TNRC6A: variants seen among roughly 807,000 people sequenced by gnomAD.
TNRC6A encodes the protein trinucleotide repeat containing adaptor 6A.
A neutral mutation model predicts 221.2 loss-of-function variants in TNRC6A; 44 were observed. That is an observed-to-expected ratio of 0.20 (90% CI 0.16 to 0.26). The LOEUF is 0.26. Among genes scored for constraint, TNRC6A ranks in the 10% least tolerant of loss-of-function variants. The pLI, the probability that TNRC6A is intolerant of heterozygous loss-of-function variation, is 1.00. For missense variants in TNRC6A, 2,199 were observed against 2,404.4 expected (o/e 0.91, Z 1.79); for synonymous variants, 847 against 838.5 (o/e 1.01, Z -0.18).
chr16:24,658,640 G>A (rs2054966228), intron 2 of TNRC6A, among the ~76,000 whole-genome samples: 2 of 151,776 alleles, frequency 1.3e-5, no homozygotes, highest in Non-Finnish European at 2.9e-5. Flanking sequence ...TTACAGGTAT[G>A]AGCCACAGAG....
chr16:24,774,459 A>G (rs1188589886), intron 4 of TNRC6A, among the ~76,000 whole-genome samples: 3 of 152,228 alleles, frequency 2.0e-5, no homozygotes, highest in African/African-American at 7.2e-5. Flanking sequence ...ATGCCTTCAT[A>G]TAGATCATTC....
At chr16:24,681,916 CGTGTTG>C (rs2055540102) in intron 2 of TNRC6A, among the ~76,000 whole-genome samples, 1 of 152,138 alleles carries the variant, frequency 6.6e-6, no homozygotes, top group Non-Finnish European at 1.5e-5. Flanking sequence ...AATGTTGCAA[CGTGTTG>C]CCAAACTCCT....
intron 2 of TNRC6A, among the ~76,000 whole-genome samples, chr16:24,665,236 AT>A (rs201893886): frequency 1.3e-5 from 2 of 151,284 alleles, no homozygotes; most frequent in South Asian, 2.1e-4. Flanking sequence ...AAACTGGCTA[AT>A]TTTTTTTTAA....
intron 2 of TNRC6A, among the ~76,000 whole-genome samples, chr16:24,745,629 A>G (rs1005583796): frequency 2.0e-5 from 3 of 152,216 alleles, no homozygotes; most frequent in African/African-American, 7.2e-5. Context: ...CTCCTAAAGC[A>G]AAATAGAGAC....
In TNRC6A at chr16:24,823,530, G is replaced by A. The variant is rs1293149141; in HGVS notation, c.5612G>A (p.Gly1871Asp). Residue 1871 changes from glycine to aspartate, a missense_variant, in exon 25 of 25, where the codon GGC becomes GAC. By Grantham distance (94) the Gly-to-Asp change is moderately conservative. This residue lies in a region of TNRC6A where 20 missense variants were observed against 25.6 expected (regional missense o/e 0.78). Coordinates refer to ENST00000395799, the MANE Select transcript of TNRC6A (RefSeq NM_014494.4). This position sits in a 1 kb window ranked among gnomAD's most constrained non-coding sequence, Gnocchi z 4.3. ...AQSQSLTPSP[G>D]WQSLGSSQSR... ...AGCCAGTCTCTGACCCCTTCTCCCG[G>A]CTGGCAGTCTCTCGGGTCCAGCCAG... The A allele has an allele frequency of 6.2e-7, 1 of 1,614,028 alleles. No homozygotes were observed. Among genetic ancestry groups the A allele is most frequent in the East Asian group, 2.2e-5 (1 of 44,894 alleles).
chr16:24,626,673 G>A (rs184216645), intron 1 of TNRC6A, among the ~76,000 whole-genome samples: 6 of 137,516 alleles, frequency 4.4e-5, no homozygotes, highest in East Asian at 4.1e-4. Flanking sequence ...TTTTTGAGAC[G>A]GAGTCTCACT....
Position 24,790,073 on chromosome 16 carries a change from T to C in TNRC6A, c.1431T>C (p.Ser477=). 6.2e-7 allele frequency: 1 copy of C among 1,614,206 alleles called. No homozygotes were observed. Among genetic ancestry groups the C allele is most frequent in the Non-Finnish European group, 8.5e-7 (1 of 1,180,026 alleles). ...SGSVQNNELP[S]SNTGAWRVST... ...CAGTGCAGAATAATGAGCTGCCTAG[T>C]AGTAACACAGGGGCCTGGCGTGTGA... Residue 477 remains serine (S), a synonymous_variant, in exon 6 of 25, where the codon AGT becomes AGC. Coordinates refer to ENST00000395799, the MANE Select transcript of TNRC6A (RefSeq NM_014494.4).
chr16:24,730,208 T>G, intron 1 of TNRC6A, 45 bp from the exon 2 acceptor site: 1 of 1,522,838 alleles, frequency 6.6e-7, no homozygotes, highest in Non-Finnish European at 8.8e-7. Context: ...CTCGTTTTTG[T>G]GTGTGTGTTT....
At chr16:24,738,712 A>G (rs959173360) in intron 2 of TNRC6A, among the ~76,000 whole-genome samples, 2 of 152,118 alleles carry the variant, frequency 1.3e-5, no homozygotes, top group Admixed American at 6.6e-5. Context: ...GGGCTGTTCT[A>G]ACTTTGGGGC....
intron 1 of TNRC6A, among the ~76,000 whole-genome samples, chr16:24,619,816 A>C (rs1729056071): frequency 6.6e-6 from 1 of 152,086 alleles, no homozygotes; most frequent in African/African-American, 2.4e-5. Flanking sequence ...ATGTCAGAGA[A>C]GCTGGGCAGG....
chr16:24,744,030 T>C (rs2056949815), intron 2 of TNRC6A, among the ~76,000 whole-genome samples: 1 of 152,248 alleles, frequency 6.6e-6, no homozygotes, highest in South Asian at 2.1e-4. Flanking sequence ...TTGCCTGCAT[T>C]CTGGAAGTTT....
intron 2 of TNRC6A, 64 bp downstream of exon 2, chr16:24,730,364 C>T: frequency 6.4e-7 from 1 of 1,569,250 alleles, no homozygotes; most frequent in Non-Finnish European, 8.6e-7. Context: ...TCCGATTCGC[C>T]TTTTCTGGGT....
chr16:24,700,859 C>T (rs2055959222), intron 2 of TNRC6A, among the ~76,000 whole-genome samples: 1 of 152,332 alleles, frequency 6.6e-6, no homozygotes, highest in Non-Finnish European at 1.5e-5. Context: ...CACTTGTTCC[C>T]TGCCACCCCA....
At chr16:24,745,107 A>G (rs1296433663) in intron 2 of TNRC6A, among the ~76,000 whole-genome samples, 2 of 152,194 alleles carry the variant, frequency 1.3e-5, no homozygotes, top group Admixed American at 6.5e-5. Flanking sequence ...CTTCAATACG[A>G]TGACCCCTTT....
chr16:24,729,335 G>C (rs2056550791), upstream of TNRC6A, among the ~76,000 whole-genome samples: 1 of 149,306 alleles, frequency 6.7e-6, no homozygotes, highest in Non-Finnish European at 1.5e-5. Flanking sequence ...GTGTGTCAGT[G>C]GGGGAGGGGC....
chr16:24,654,442 C>T (rs988190048), intron 2 of TNRC6A, among the ~76,000 whole-genome samples: 16 of 152,118 alleles, frequency 1.1e-4, no homozygotes, highest in Non-Finnish European at 2.1e-4. Flanking sequence ...CGGTGACTCA[C>T]GCCTGTAATC....
chr16:24,813,247 A>G (rs1439153098), intron 18 of TNRC6A, among the ~76,000 whole-genome samples: 2 of 152,092 alleles, frequency 1.3e-5, no homozygotes, highest in East Asian at 3.9e-4. Flanking sequence ...TGCTAGAGAT[A>G]TATTGCATAC....
At position 24,699,776 on chromosome 16, in the gene TNRC6A, G is replaced by T. The variant is rs567076664; in HGVS notation, n.403-50950G>T. Among the ~76,000 whole-genome samples the T allele has an allele frequency of 8.4e-4, 128 of 151,706 alleles. 3 individuals are homozygous for T. The highest frequency in any genetic ancestry group is 3.4e-3 in the Middle Eastern group (1 of 290). On this transcript the variant is annotated intron_variant and non_coding_transcript_variant, in intron 2 of 2. Coordinates refer to the TNRC6A transcript ENST00000566108. ...ATAACAAATACAAAAGCCCAGAGAT[G>T]GACAAGAGAGCACTGAGCTGAAGGG... is the stretch of plus-strand genomic sequence containing the variant.
intron 2 of TNRC6A, among the ~76,000 whole-genome samples, chr16:24,694,101 T>C (rs968486866): frequency 2.0e-5 from 3 of 149,406 alleles, no homozygotes; most frequent in African/African-American, 7.4e-5. Context: ...AGCAGAAGAG[T>C]CCCCAGGACT....
Sources: allele counts gnomAD v4.1 joint callset (sites outside exome capture counted in the v4.1 genomes callset), GRCh38; gene constraint gnomAD v4.1.1; regional missense constraint gnomAD v4.1.1; non-coding constraint Gnocchi (gnomAD v3.1); transcripts MANE v1.5; gene names NCBI Gene and HGNC (gene_info 2026-07-23, HGNC 2026-07-21).